The following ABCC4 variants were observed in gnomAD, a reference collection of about 807,000 sequenced individuals.
The protein encoded by ABCC4 is ATP-binding cassette sub-family C member 4.
In ABCC4, 102 loss-of-function variants were observed where a neutral mutation model predicts 168.5. The observed-to-expected ratio is 0.61, with a 90% CI of 0.52 to 0.71. The LOEUF is 0.71. Ranked by LOEUF, ABCC4 falls within the 30% of genes least tolerant of loss-of-function variation. The pLI is 0.00. For synonymous variants in ABCC4, 617 were observed against 590.7 expected (o/e 1.04, Z -0.65); for missense variants, 1,402 against 1,605.8 (o/e 0.87, Z 2.17).
At chr13:95,058,685 G>GTTTTTTT in intron 26 of ABCC4, among the ~76,000 whole-genome samples, 1 of 151,750 alleles carries the variant, frequency 6.6e-6, no homozygotes, top group South Asian at 2.1e-4. Context: ...AAAAAATTGA[G>GTTTTTTT]CTGGATAGTT....
intron 16 of ABCC4, 139 bp downstream of exon 16, chr13:95,164,239 A>T (rs1312386588): frequency 1.0e-5 from 10 of 1,001,808 alleles, no homozygotes; most frequent in Admixed American, 4.7e-5. Flanking sequence ...GAACACCAGT[A>T]GGCAGCCCTC....
Position 95,043,742 on chromosome 13 carries a change from G to C in ABCC4, c.3675C>G (p.His1225Gln). The C allele has an allele frequency of 6.2e-7, 1 of 1,613,996 alleles. No individual in the cohort carries two copies. Among genetic ancestry groups the C allele is most frequent in the Non-Finnish European group, 8.5e-7 (1 of 1,179,932 alleles). Residue 1225 changes from histidine to glutamine, a missense_variant, in exon 29 of 31, where the codon CAC becomes CAG. By Grantham distance (24) the His-to-Gln change is conservative (BLOSUM62 0). Around this residue, in one of 3 missense-constraint regions of ABCC4, gnomAD observed 1,007 missense variants for 1,127.3 expected, o/e 0.89. Transcript: ENST00000645237. Reference protein sequence around the residue: ...IQKKIREKFAHCTVLTIAHRL... With the variant: ...IQKKIREKFAQCTVLTIAHRL... Reference sequence around the variant, plus strand: ...TGTGTGCAATGGTTAGCACGGTGCAGTGGGCAAATTTCTCCCGGATTTTTT... The same window carrying C: ...TGTGTGCAATGGTTAGCACGGTGCACTGGGCAAATTTCTCCCGGATTTTTT...
At chr13:95,186,335 T>C (rs1489063874) in intron 11 of ABCC4, among the ~76,000 whole-genome samples, 2 of 151,896 alleles carry the variant, frequency 1.3e-5, no homozygotes, top group Admixed American at 1.3e-4. Flanking sequence ...AGAGACGGAG[T>C]TGAATTGGCT....
chr13:95,131,594 A>G (rs1329898911), intron 19 of ABCC4, among the ~76,000 whole-genome samples: 1 of 152,124 alleles, frequency 6.6e-6, no homozygotes, highest in Admixed American at 6.6e-5. Context: ...GCACCACTGC[A>G]CTCCTGCCTG....
chr13:95,150,590 T>G (rs541927268), intron 19 of ABCC4, among the ~76,000 whole-genome samples: 1 of 152,006 alleles, frequency 6.6e-6, no homozygotes, highest in Admixed American at 6.5e-5. Context: ...GAGGAAGAAA[T>G]TTCTCAAACA....
intron 30 of ABCC4, among the ~76,000 whole-genome samples, chr13:95,022,645 T>C (rs2031159405): frequency 6.6e-6 from 1 of 152,168 alleles, no homozygotes; most frequent in African/African-American, 2.4e-5. Flanking sequence ...AAACAGAAAA[T>C]GTAGCAACTA....
At chr13:95,236,674 T>C (rs1448862765) in intron 3 of ABCC4, among the ~76,000 whole-genome samples, 1 of 152,096 alleles carries the variant, frequency 6.6e-6, no homozygotes. Context: ...TCATGGAAGT[T>C]TTCCCCTATG....
intron 3 of ABCC4, among the ~76,000 whole-genome samples, chr13:95,241,153 A>T (rs2039930944): frequency 6.6e-6 from 1 of 152,038 alleles, no homozygotes; most frequent in South Asian, 2.1e-4. Flanking sequence ...TCACAAGGTC[A>T]AGAGATCGAG....
chr13:95,103,785 C>A (rs1255633734), intron 20 of ABCC4, among the ~76,000 whole-genome samples: 1 of 152,170 alleles, frequency 6.6e-6, no homozygotes, highest in African/African-American at 2.4e-5. Context: ...ACTCTAAATT[C>A]CTGTGCTTAA....
In ABCC4 at chr13:95,208,377, A is replaced by AG. The variant is rs567022130; in HGVS notation, c.786-453_786-452insC. On this transcript the variant is annotated intron_variant, in intron 6 of 30. Coordinates refer to ENST00000645237, the MANE Select transcript of ABCC4 (RefSeq NM_005845.5). ...GCTTCAGAGGACCAGGAGCATTTGAACGGGGCCTCAAAGGACAAGGACTAT... is the reference window on the plus strand; with the variant it reads ...GCTTCAGAGGACCAGGAGCATTTGAAGCGGGGCCTCAAAGGACAAGGACTAT... 1.1e-4 allele frequency among the ~76,000 whole-genome samples: 16 copies of AG among 151,630 alleles called. No individual in the cohort carries two copies. In the East Asian group the frequency reaches 2.9e-3, roughly 28 times the overall value.
intron 20 of ABCC4, among the ~76,000 whole-genome samples, chr13:95,106,156 C>A (rs2034995706): frequency 6.6e-6 from 1 of 152,060 alleles, no homozygotes; most frequent in Non-Finnish European, 1.5e-5. Context: ...ATTCCATACA[C>A]AAGTTTACAA....
At chr13:95,268,852 T>A (rs959535496) in intron 1 of ABCC4, among the ~76,000 whole-genome samples, 1 of 151,888 alleles carries the variant, frequency 6.6e-6, no homozygotes, top group Non-Finnish European at 1.5e-5. Flanking sequence ...GGGGCGCGGG[T>A]CCTGGCGCGG....
Position 95,191,294 on chromosome 13 carries a change from A to G in ABCC4, c.1264-2752T>C, listed in dbSNP as rs114072444. Among the ~76,000 whole-genome samples, 5 of 152,346 alleles carry G rather than the reference A, an allele frequency of 3.3e-5. No homozygotes were observed. The South Asian group carries it at 1.0e-3, about 32-fold the overall frequency. ...ATTTCTATAAATGGTCAAATGCTAA[A>G]ATATGTGTGTATGAAAACTGACCCC... is the stretch of plus-strand genomic sequence containing the variant. On this transcript the variant is annotated intron_variant, in intron 9 of 30. Coordinates refer to ENST00000645237, the MANE Select transcript of ABCC4 (RefSeq NM_005845.5).
At chr13:95,188,984 T>A (rs887901653) in intron 9 of ABCC4, among the ~76,000 whole-genome samples, 2 of 152,154 alleles carry the variant, frequency 1.3e-5, no homozygotes, top group African/African-American at 4.8e-5. Context: ...CCTGTCAACC[T>A]GTCATCTAGG....
chr13:95,226,715 A>T (rs1393996021), intron 4 of ABCC4, among the ~76,000 whole-genome samples: 1 of 152,154 alleles, frequency 6.6e-6, no homozygotes, highest in Non-Finnish European at 1.5e-5. Context: ...TCTTCTACAA[A>T]GTGCCTGGAC....
chr13:95,175,303 A>T (rs1032265708), intron 13 of ABCC4, among the ~76,000 whole-genome samples: 2 of 151,962 alleles, frequency 1.3e-5, no homozygotes, highest in African/African-American at 4.8e-5. Flanking sequence ...AACCTTTTTT[A>T]AAATTTTTTT....
chr13:95,229,331 A>T (rs528347045), intron 4 of ABCC4, among the ~76,000 whole-genome samples: 1 of 152,328 alleles, frequency 6.6e-6, no homozygotes, highest in African/African-American at 2.4e-5. Flanking sequence ...GGACAGACAG[A>T]TACTTTACCT....
At chr13:95,249,879 C>T (rs183827542) in intron 1 of ABCC4, among the ~76,000 whole-genome samples, 2 of 152,226 alleles carry the variant, frequency 1.3e-5, no homozygotes, top group East Asian at 3.9e-4. Context: ...CAGTTAACTG[C>T]ATAACATTTA....
intron 4 of ABCC4, among the ~76,000 whole-genome samples, chr13:95,214,742 C>T (rs562615986): frequency 2.0e-5 from 3 of 151,988 alleles, no homozygotes; most frequent in Non-Finnish European, 2.9e-5. Context: ...AAAAATTAGC[C>T]GGGCACAGTG....
Sources: gnomAD v4.1 joint callset for allele counts (sites outside exome capture counted in the v4.1 genomes callset) on GRCh38, gnomAD v4.1.1 for gene constraint, gnomAD v4.1.1 regional missense constraint, MANE v1.5 for transcripts, NCBI Gene and HGNC (gene_info 2026-07-23, HGNC 2026-07-21) for gene names.